The following OLFM3 variants were observed in gnomAD, a reference collection of about 807,000 sequenced individuals.
The protein encoded by OLFM3 is noelin-3.
OLFM3 carries 20 observed loss-of-function variants against 48.6 expected under a neutral mutation model. The ratio of observed to expected loss-of-function variants is 0.41; its 90% CI spans 0.29 to 0.60. OLFM3 has a LOEUF of 0.60. Among genes scored for constraint, OLFM3 ranks in the 20% least tolerant of loss-of-function variants. The pLI, the probability that OLFM3 is intolerant of heterozygous loss-of-function variation, is 0.28. For missense variants in OLFM3, 437 were observed against 544.3 expected (o/e 0.80, Z 1.96); for synonymous variants, 222 against 198.1 (o/e 1.12, Z -1.01).
At chr1:101,850,003 C>G (rs1024409621) in intron 1 of OLFM3, among the ~76,000 whole-genome samples, 1 of 152,118 alleles carries the variant, frequency 6.6e-6, no homozygotes, top group Non-Finnish European at 1.5e-5. Flanking sequence ...ACTTAATGGA[C>G]TAGTGAGAAT....
At chr1:101,863,958 GA>G in intron 1 of OLFM3, among the ~76,000 whole-genome samples, 1 of 152,270 alleles carries the variant, frequency 6.6e-6, no homozygotes. Flanking sequence ...TCATAGGATG[GA>G]TCTCTGAGCA....
intron 4 of OLFM3, among the ~76,000 whole-genome samples, chr1:101,815,114 C>A (rs983584028): frequency 2.0e-5 from 3 of 152,062 alleles, no homozygotes; most frequent in African/African-American, 4.8e-5. Context: ...ATGTAAGCTG[C>A]ACCTTAGAAA....
chr1:101,988,803 AC>A (rs1162462104), intron 1 of OLFM3, among the ~76,000 whole-genome samples: 8 of 152,122 alleles, frequency 5.3e-5, no homozygotes, highest in Non-Finnish European at 1.2e-4. Flanking sequence ...TGAATACATT[AC>A]AATTTAGTAA....
At chr1:101,989,915 AT>A (rs1036043404) in intron 1 of OLFM3, among the ~76,000 whole-genome samples, 5 of 152,238 alleles carry the variant, frequency 3.3e-5, no homozygotes, top group African/African-American at 1.2e-4. Context: ...CCTTAATATT[AT>A]TTTTGAATCT....
intron 1 of OLFM3, among the ~76,000 whole-genome samples, chr1:101,915,105 A>G (rs779364904): frequency 3.9e-5 from 6 of 152,190 alleles, no homozygotes; most frequent in Admixed American, 6.5e-5. Flanking sequence ...CTAATGCTAC[A>G]TTGCACACAT....
intron 1 of OLFM3, chr1:101,846,824 A>G (rs760984053): frequency 2.5e-6 from 4 of 1,585,662 alleles, no homozygotes; most frequent in Non-Finnish European, 2.6e-6. Flanking sequence ...CAAGATGGCC[A>G]AACCCACCGC....
intron 1 of OLFM3, among the ~76,000 whole-genome samples, chr1:101,960,233 A>G (rs1660428131): frequency 6.6e-6 from 1 of 152,150 alleles, no homozygotes; most frequent in Non-Finnish European, 1.5e-5. Flanking sequence ...TGCACCATGA[A>G]ATATTATAAA....
intron 1 of OLFM3, among the ~76,000 whole-genome samples, chr1:101,988,350 G>A (rs1410127969): frequency 6.6e-6 from 1 of 152,068 alleles, no homozygotes; most frequent in Non-Finnish European, 1.5e-5. Context: ...ATTCACAGGA[G>A]TATTGAAGTT....
intron 1 of OLFM3, among the ~76,000 whole-genome samples, chr1:101,990,811 C>T (rs903666826): frequency 3.3e-5 from 5 of 150,352 alleles, no homozygotes; most frequent in South Asian, 2.1e-4. Context: ...AGTGAGACCC[C>T]GTCTCTACTA....
intron 4 of OLFM3, among the ~76,000 whole-genome samples, chr1:101,819,312 A>G (rs115932078): frequency 6.6e-6 from 1 of 152,284 alleles, no homozygotes; most frequent in Non-Finnish European, 1.5e-5. Flanking sequence ...AGAATCAGGC[A>G]GAGCCCATTT....
intron 1 of OLFM3, among the ~76,000 whole-genome samples, chr1:101,945,031 A>G (rs556923672): frequency 1.5e-4 from 23 of 152,350 alleles, no homozygotes; most frequent in Middle Eastern, 3.4e-3. Context: ...AATTATAAAG[A>G]TTGACAATAT....
chr1:101,951,816 A>T (rs1660151322), intron 1 of OLFM3, among the ~76,000 whole-genome samples: 1 of 152,186 alleles, frequency 6.6e-6, no homozygotes, highest in Non-Finnish European at 1.5e-5. Context: ...AAAACCATTC[A>T]AACTCAACTT....
Position 101,909,886 on chromosome 1 carries a change from T to C in OLFM3, c.70-72861A>G, listed in dbSNP as rs529713560. Reference sequence around the variant, plus strand: ...ATACTGGTTTGAAGAATATTAAGATTTCCTGAGCTAAAACGCTATCTTTCA... The same window carrying C: ...ATACTGGTTTGAAGAATATTAAGATCTCCTGAGCTAAAACGCTATCTTTCA... On this transcript the variant is annotated intron_variant, in intron 1 of 5. Coordinates refer to ENST00000370103, the MANE Select transcript of OLFM3 (RefSeq NM_058170.4). The C allele has an allele frequency of 4.8e-6, 4 of 834,572 alleles. No individual in the cohort carries two copies. In the African/African-American group the frequency reaches 7.4e-5, roughly 15 times the overall value. The allele number at this position is 834,572 out of a possible 1,614,324, so 51.7% of individuals were successfully genotyped here. A position where few individuals can be genotyped will look rare whatever the true frequency, so the allele number is the denominator to read the frequency against.
intron 1 of OLFM3, among the ~76,000 whole-genome samples, chr1:101,883,570 T>C (rs1657622541): frequency 6.6e-6 from 1 of 151,928 alleles, no homozygotes; most frequent in African/African-American, 2.4e-5. Context: ...CTTGATAATG[T>C]CCAATTATGT....
At chr1:101,975,493 TG>T (rs1660928883) in intron 1 of OLFM3, among the ~76,000 whole-genome samples, 1 of 152,080 alleles carries the variant, frequency 6.6e-6, no homozygotes, top group Non-Finnish European at 1.5e-5. Flanking sequence ...AAGAAATAGT[TG>T]GCTGTATTCT....
chr1:101,849,508 T>C (rs1214004684), intron 1 of OLFM3, among the ~76,000 whole-genome samples: 1 of 152,220 alleles, frequency 6.6e-6, no homozygotes, highest in Non-Finnish European at 1.5e-5. Context: ...TTCTATGTAA[T>C]TCAAGAGTTT....
At chr1:101,952,569 T>C (rs1660175344) in intron 1 of OLFM3, among the ~76,000 whole-genome samples, 1 of 152,204 alleles carries the variant, frequency 6.6e-6, no homozygotes, top group Admixed American at 6.5e-5. Context: ...CATATGTGTA[T>C]ATGTATTGCA....
At chr1:101,854,440 G>A (rs573475873) in intron 1 of OLFM3, among the ~76,000 whole-genome samples, 10 of 152,108 alleles carry the variant, frequency 6.6e-5, no homozygotes, top group African/African-American at 1.2e-4. Flanking sequence ...CTATAAGCCC[G>A]GGGGATCCTC....
At chr1:101,909,357 T>C (rs1448620042) in intron 1 of OLFM3, among the ~76,000 whole-genome samples, 1 of 152,276 alleles carries the variant, frequency 6.6e-6, no homozygotes, top group African/African-American at 2.4e-5. Context: ...TTTGATTCTA[T>C]AAATAACATT....
Sources: allele counts gnomAD v4.1 joint callset (sites outside exome capture counted in the v4.1 genomes callset), GRCh38; gene constraint gnomAD v4.1.1; transcripts MANE v1.5; gene names NCBI Gene and HGNC (gene_info 2026-07-23, HGNC 2026-07-21).